The following STX17 variants were observed in gnomAD, a reference collection of about 807,000 sequenced individuals.
The protein encoded by STX17 is syntaxin 17.
In STX17, 29 loss-of-function variants were observed where a neutral mutation model predicts 35.9. The observed-to-expected ratio is 0.81, with a 90% confidence interval of 0.60 to 1.10. STX17 has a LOEUF of 1.10. Among genes scored for constraint, STX17 ranks in the 50% least tolerant of loss-of-function variants. The pLI is 0.00. For synonymous variants in STX17, 92 were observed against 118.3 expected, an observed-to-expected ratio of 0.78 and a Z score of 1.44; for missense variants, 312 against 352.3, an observed-to-expected ratio of 0.89 and a Z score of 0.92.
chr9:99,906,766 C>T (rs912469791), intron 1 of STX17, 60 bp downstream of exon 1: 94 of 152,356 alleles, frequency 6.2e-4, no homozygotes, highest in African/African-American at 2.1e-3. Flanking sequence ...CTTGGTGGGC[C>T]TGGCGCCCGT....
At chr9:99,923,037 C>T (rs1828918216) in intron 2 of STX17, among the ~76,000 whole-genome samples, 1 of 152,036 alleles carries the variant, frequency 6.6e-6, no homozygotes, top group African/African-American at 2.4e-5. Context: ...TTTTTTTTTA[C>T]AACACTTTTT....
At chr9:99,931,799 C>CT (rs1347460921) in intron 3 of STX17, among the ~76,000 whole-genome samples, 1 of 151,992 alleles carries the variant, frequency 6.6e-6, no homozygotes, top group African/African-American at 2.4e-5. Flanking sequence ...CCTTTGAATT[C>CT]TTTTTTTCTG....
At chr9:99,911,211 A>AT (rs1182803098) in intron 1 of STX17, among the ~76,000 whole-genome samples, 2 of 151,466 alleles carry the variant, frequency 1.3e-5, no homozygotes. Context: ...AATTTTTTGT[A>AT]TTTTTTAGTA....
intron 2 of STX17, among the ~76,000 whole-genome samples, chr9:99,921,692 G>A (rs918971779): frequency 4.6e-5 from 7 of 151,196 alleles, no homozygotes; most frequent in Non-Finnish European, 8.8e-5. Context: ...ACTTTCTTTT[G>A]TGAAAATTGG....
rs777311976 is a variant in STX17 at position 99,915,262 on chromosome 9, T to G, written c.23T>G (p.Val8Gly). The G allele has an allele frequency of 6.2e-7, 1 of 1,611,142 alleles. No individual in the cohort carries two copies. The highest frequency in any genetic ancestry group is 1.7e-5 in the Admixed American group (1 of 59,574). The change falls in exon 2 of 8, where the codon GTG (valine) becomes GGG (glycine). Residue 8 changes from valine (V) to glycine (G), a missense_variant. Transcript: ENST00000259400. MSEDEEK[V>G]KLRRLEPAIQ... The stretch of plus-strand genomic sequence containing the variant: ...AGGATGTCTGAAGATGAAGAAAAAG[T>G]GAAATTACGCCGTCTTGAACCAGCT...
At chr9:99,924,083 A>G (rs1250938804) in intron 2 of STX17, among the ~76,000 whole-genome samples, 1 of 152,216 alleles carries the variant, frequency 6.6e-6, no homozygotes, top group African/African-American at 2.4e-5. Flanking sequence ...TCTAATACTA[A>G]CAGACTGAGT....
intron 6 of STX17, among the ~76,000 whole-genome samples, chr9:99,965,061 C>G (rs1272738958): frequency 6.6e-6 from 1 of 152,088 alleles, no homozygotes; most frequent in Non-Finnish European, 1.5e-5. Flanking sequence ...TCTTAGCATG[C>G]TTTCTGATGG....
intron 6 of STX17, among the ~76,000 whole-genome samples, chr9:99,965,833 T>G (rs1049997148): frequency 1.1e-4 from 16 of 152,180 alleles, no homozygotes; most frequent in African/African-American, 3.6e-4. Flanking sequence ...TTAGGATAAA[T>G]TTTTCTATTT....
At chr9:99,956,585 A>G (rs1157011365) in intron 4 of STX17, among the ~76,000 whole-genome samples, 1 of 152,218 alleles carries the variant, frequency 6.6e-6, no homozygotes, top group East Asian at 1.9e-4. Context: ...GCATAGAGTA[A>G]CTATTTTAAG....
At chr9:99,934,690 AT>A (rs1446582561) in intron 3 of STX17, among the ~76,000 whole-genome samples, 3 of 152,200 alleles carry the variant, frequency 2.0e-5, no homozygotes, top group African/African-American at 7.2e-5. Context: ...AAGAAATCAG[AT>A]TAATTATTAT....
chr9:99,944,097 A>G (rs1281207787), intron 3 of STX17, among the ~76,000 whole-genome samples: 1 of 152,026 alleles, frequency 6.6e-6, no homozygotes, highest in Non-Finnish European at 1.5e-5. Flanking sequence ...ATTTATTGGC[A>G]TACATTTTTT....
At chr9:99,967,458 A>T (rs1269610412) in intron 6 of STX17, 195 bp from the exon 7 acceptor site, 3 of 395,694 alleles carry the variant, frequency 7.6e-6, no homozygotes, top group Non-Finnish European at 1.3e-5. Flanking sequence ...TTACCTAATA[A>T]TTAAGACCCC....
chr9:99,939,130 G>T (rs1000787272), intron 3 of STX17, among the ~76,000 whole-genome samples: 1 of 152,046 alleles, frequency 6.6e-6, no homozygotes, highest in African/African-American at 2.4e-5. Context: ...TTTTAAAAAG[G>T]GGGATGATTT....
intron 2 of STX17, among the ~76,000 whole-genome samples, chr9:99,918,659 G>T (rs940575550): frequency 6.6e-6 from 1 of 152,032 alleles, no homozygotes; most frequent in Non-Finnish European, 1.5e-5. Context: ...TGATTGGAAA[G>T]TATGTGTGTA....
intron 3 of STX17, among the ~76,000 whole-genome samples, chr9:99,949,700 G>C (rs2118475709): frequency 6.6e-6 from 1 of 151,664 alleles, no homozygotes; most frequent in Non-Finnish European, 1.5e-5. Flanking sequence ...AACACTTTAG[G>C]GGAAAATAAT....
intron 3 of STX17, among the ~76,000 whole-genome samples, chr9:99,940,330 C>T (rs1279575962): frequency 1.3e-5 from 2 of 151,526 alleles, no homozygotes; most frequent in Non-Finnish European, 2.9e-5. Flanking sequence ...GGGGTTTTAC[C>T]ACGTTGGCCA....
intron 3 of STX17, among the ~76,000 whole-genome samples, chr9:99,949,551 G>GT (rs35655517): frequency 0.045 from 6,816 of 150,698 alleles, 223 homozygotes; most frequent in Non-Finnish European, 0.068. Flanking sequence ...TCCTAAACAG[G>GT]TTTTTTTTTG....
At chr9:99,967,504 A>G in intron 6 of STX17, 149 bp from the exon 7 acceptor site, 1 of 390,730 alleles carries the variant, frequency 2.6e-6, no homozygotes, top group Non-Finnish European at 4.6e-6. Context: ...TGTCCTTTCG[A>G]CATGGCTTAT....
At position 99,906,675 on chromosome 9, in the gene STX17, C is replaced by T. The variant is rs1229708870; in HGVS notation, c.-94C>T. ...CGTCGCTCCTGCGCCTGCGCCGTGC[C>T]CACCGACCGGCCTCGAGCGCCCCGG... On this transcript the variant is annotated 5_prime_UTR_variant, in exon 1 of 8. Coordinates refer to ENST00000259400, the MANE Select transcript of STX17 (RefSeq NM_017919.3). 6.6e-6 allele frequency: 1 copy of T among 151,972 alleles called. No homozygotes were observed. Among genetic ancestry groups the T allele is most frequent in the African/African-American group, 2.4e-5 (1 of 41,420 alleles). The allele number at this position is 151,972 out of a possible 1,614,324, so 9.4% of individuals were successfully genotyped here.
Sources: allele counts gnomAD v4.1 joint callset (sites outside exome capture counted in the v4.1 genomes callset), GRCh38; gene constraint gnomAD v4.1.1; transcripts MANE v1.5; gene names NCBI Gene and HGNC (gene_info 2026-07-23, HGNC 2026-07-21).